ARHGAP44: variants seen among roughly 807,000 people sequenced by gnomAD.
The protein encoded by ARHGAP44 is rho GTPase-activating protein 44.
A neutral mutation model predicts 106.8 loss-of-function variants in ARHGAP44; 43 were observed. The observed-to-expected ratio is 0.40, with a 90% CI of 0.32 to 0.52. The LOEUF (loss-of-function observed/expected upper bound fraction) is 0.52, where lower values mean the gene tolerates loss of function less well. Ranked by LOEUF, ARHGAP44 falls within the 20% of genes least tolerant of loss-of-function variation. The probability of loss-of-function intolerance (pLI) is 0.48; values close to 1 mark genes in which losing one functional copy is unlikely to be tolerated. For missense variants in ARHGAP44, 866 were observed against 1,050.5 expected (o/e 0.82, Z 2.43); for synonymous variants, 439 against 410.3 (o/e 1.07, Z -0.85).
chr17:12,801,577 A>G (rs1253892017), intron 1 of ARHGAP44, among the ~76,000 whole-genome samples: 2 of 152,142 alleles, frequency 1.3e-5, no homozygotes, highest in Admixed American at 6.5e-5. Context: ...GTCTAATATT[A>G]ATGGAATGAT....
intron 6 of ARHGAP44, among the ~76,000 whole-genome samples, chr17:12,923,516 C>T (rs12945930): frequency 0.4 from 60,954 of 151,730 alleles, 14,137 homozygotes; most frequent in Non-Finnish European, 0.51. Context: ...TGTGCCCGGC[C>T]GCTTTGGGGG....
At chr17:12,947,204 CT>C (rs2038873643) in intron 10 of ARHGAP44, among the ~76,000 whole-genome samples, 1 of 152,234 alleles carries the variant, frequency 6.6e-6, no homozygotes, top group African/African-American at 2.4e-5. Flanking sequence ...TGCTTCGCCC[CT>C]GTCACTGGGC....
chr17:12,945,002 CTA>C (rs1176316610), intron 10 of ARHGAP44, among the ~76,000 whole-genome samples: 3 of 151,690 alleles, frequency 2.0e-5, no homozygotes, highest in Non-Finnish European at 4.4e-5. Context: ...TAAAAAATGT[CTA>C]TGAGAAATTT....
chr17:12,918,409 G>A (rs1055456679), intron 5 of ARHGAP44, among the ~76,000 whole-genome samples: 2 of 152,044 alleles, frequency 1.3e-5, no homozygotes, highest in Admixed American at 6.5e-5. Context: ...TTCAATTTTC[G>A]GCCAATTTTC....
intron 1 of ARHGAP44, among the ~76,000 whole-genome samples, chr17:12,843,420 T>C (rs1236112589): frequency 1.3e-5 from 2 of 152,012 alleles, no homozygotes; most frequent in South Asian, 2.1e-4. Context: ...CATTTTTTTT[T>C]CCCTTTGTAT....
rs192676192 is a variant in ARHGAP44, at chr17:12,954,692, C to T, written c.1137-1175C>T. 2.2e-4 allele frequency among the ~76,000 whole-genome samples: 34 copies of T among 152,166 alleles called. No homozygotes were observed. The East Asian group carries it at 6.6e-3, about 29-fold the overall frequency. On this transcript the variant is annotated intron_variant, in intron 13 of 20. Transcript: ENST00000379672. ...CCACAGCCTATTGTAACTGAGAGGCCAGAGAAAACATGTCTTCTCGGGGTC... is the reference window on the plus strand; with the variant it reads ...CCACAGCCTATTGTAACTGAGAGGCTAGAGAAAACATGTCTTCTCGGGGTC...
intron 20 of ARHGAP44, chr17:12,987,238 T>A: frequency 4.0e-6 from 5 of 1,239,272 alleles, no homozygotes; most frequent in Non-Finnish European, 5.6e-6. Context: ...CGTCTCTGCA[T>A]GTGGCTCAGA....
At chr17:12,976,991 G>A (rs1022207763) in intron 18 of ARHGAP44, among the ~76,000 whole-genome samples, 1 of 151,812 alleles carries the variant, frequency 6.6e-6, no homozygotes, top group Non-Finnish European at 1.5e-5. Flanking sequence ...ATGGTATTTG[G>A]CATATAAATG....
intron 2 of ARHGAP44, among the ~76,000 whole-genome samples, chr17:12,895,638 C>T (rs1389363589): frequency 2.0e-5 from 3 of 152,166 alleles, no homozygotes; most frequent in African/African-American, 7.2e-5. Context: ...AATAGGAACA[C>T]TTTTATGCTG....
Position 12,825,274 on chromosome 17 carries a change from G to A in ARHGAP44, c.53+35383G>A, listed in dbSNP as rs116136912. 4.4e-3 allele frequency among the ~76,000 whole-genome samples: 664 copies of A among 152,176 alleles called. 4 individuals carry two copies. The highest frequency in any genetic ancestry group is 0.015 in the African/African-American group (635 of 41,522). ...GCTGGTCTCGATCTCCTGGACTCAA[G>A]CCATCTTCCCACCTTGGCCTCCCAA... On this transcript the variant is annotated intron_variant, in intron 1 of 20. Coordinates refer to ENST00000379672, the MANE Select transcript of ARHGAP44 (RefSeq NM_014859.6).
chr17:12,969,728 C>T (rs2039479734), intron 16 of ARHGAP44, among the ~76,000 whole-genome samples: 1 of 152,148 alleles, frequency 6.6e-6, no homozygotes, highest in Non-Finnish European at 1.5e-5. Context: ...CTAGCTAGAC[C>T]CTACTACAAC....
intron 15 of ARHGAP44, 56 bp downstream of exon 15, chr17:12,956,802 C>A (rs1018218150): frequency 4.6e-6 from 7 of 1,521,772 alleles, no homozygotes; most frequent in Non-Finnish European, 6.4e-6. Flanking sequence ...AGTATCACTG[C>A]GAGTTCTGAG....
intron 1 of ARHGAP44, among the ~76,000 whole-genome samples, chr17:12,869,387 CAT>C (rs147812371): frequency 0.046 from 7,045 of 152,164 alleles, 243 homozygotes; most frequent in Admixed American, 0.072. Context: ...AAATTTATAA[CAT>C]GTGGTATACA....
At chr17:12,966,155 CAAA>C (rs34324286) in intron 16 of ARHGAP44, among the ~76,000 whole-genome samples, 3 of 116,728 alleles carry the variant, frequency 2.6e-5, no homozygotes, top group Admixed American at 8.9e-5. Flanking sequence ...CACGCTGTCT[CAAA>C]AAAAAAAAAA....
intron 1 of ARHGAP44, among the ~76,000 whole-genome samples, chr17:12,805,534 G>C (rs149568703): frequency 9.2e-5 from 14 of 151,704 alleles, no homozygotes; most frequent in African/African-American, 3.2e-4. Context: ...TGACTTTGGC[G>C]TTAGAATTAT....
intron 7 of ARHGAP44, among the ~76,000 whole-genome samples, chr17:12,932,853 T>G (rs1479983611): frequency 6.6e-6 from 1 of 152,202 alleles, no homozygotes; most frequent in Non-Finnish European, 1.5e-5. Flanking sequence ...TGCCTGCACC[T>G]GAGACGATAG....
At chr17:12,945,739 C>T (rs985778259) in intron 10 of ARHGAP44, among the ~76,000 whole-genome samples, 1 of 152,168 alleles carries the variant, frequency 6.6e-6, no homozygotes, top group Non-Finnish European at 1.5e-5. Flanking sequence ...ATTTTTAACA[C>T]ATTTTATATG....
At chr17:12,848,561 A>C (rs1393979348) in intron 1 of ARHGAP44, among the ~76,000 whole-genome samples, 1 of 152,164 alleles carries the variant, frequency 6.6e-6, no homozygotes, top group Non-Finnish European at 1.5e-5. Context: ...TTAAAGTCAG[A>C]AAATACTTCT....
In ARHGAP44 at chr17:12,862,430, G is replaced by C. The variant is rs140507533; in HGVS notation, c.54-32510G>C. Among the ~76,000 whole-genome samples the C allele has an allele frequency of 4.6e-5, 7 of 152,266 alleles. No homozygotes were observed. The East Asian group carries it at 1.3e-3, about 29-fold the overall frequency. ...TTGGTAACGCAGGCACAACATAAAT[G>C]AATTCCTCCTTCATTGTCCTTTGGA... On this transcript the variant is annotated intron_variant, in intron 1 of 20. Transcript: ENST00000379672.
Sources: gnomAD v4.1 joint callset for allele counts (sites outside exome capture counted in the v4.1 genomes callset) on GRCh38, gnomAD v4.1.1 for gene constraint, MANE v1.5 for transcripts, NCBI Gene and HGNC (gene_info 2026-07-23, HGNC 2026-07-21) for gene names.